UNC80: variants seen among roughly 807,000 people sequenced by gnomAD.
UNC80 encodes the protein protein unc-80 homolog.
A neutral mutation model predicts 384.6 loss-of-function variants in UNC80; 164 were observed. The ratio of observed to expected loss-of-function variants is 0.43; its 90% CI spans 0.38 to 0.49. The LOEUF is 0.49. UNC80 is among the 20% of genes least tolerant of loss of function. The pLI, the probability that UNC80 is intolerant of heterozygous loss-of-function variation, is 0.00. For synonymous variants in UNC80, 1,486 were observed against 1,527.8 expected, an observed-to-expected ratio of 0.97 and a Z score of 0.64; for missense variants, 3,330 against 4,143.0, an observed-to-expected ratio of 0.80 and a Z score of 5.39.
Position 209,817,122 on chromosome 2 carries a change from T to A in UNC80, c.1549T>A (p.Leu517Ile), listed in dbSNP as rs1244519901. The A allele has an allele frequency of 5.2e-6, 8 of 1,551,408 alleles. No individual in the cohort carries two copies. Among genetic ancestry groups the A allele is most frequent in the Non-Finnish European group, 6.1e-6 (7 of 1,146,990 alleles). The change falls in exon 10 of 65, where the codon TTA (leucine) becomes ATA (isoleucine). Residue 517 changes from leucine (L) to isoleucine (I), a missense_variant. Leu to Ile is a conservative substitution (Grantham distance 5). Around this residue, in one of 8 missense-constraint regions of UNC80, gnomAD observed 937 missense variants for 1,026.8 expected, o/e 0.91. Transcript: ENST00000673920. ...IEKGGWQTTI[L>I]GKLTRRGSSD... is the part of the protein sequence containing the mutation. ...GAAAGGAGGCTGGCAAACCACCATTTTAGGTGACCACAAGGCCTTCCAAAA... is the reference window on the plus strand; with the variant it reads ...GAAAGGAGGCTGGCAAACCACCATTATAGGTGACCACAAGGCCTTCCAAAA...
chr2:209,893,392 A>T (rs2086528215), intron 26 of UNC80, among the ~76,000 whole-genome samples: 1 of 152,238 alleles, frequency 6.6e-6, no homozygotes, highest in African/African-American at 2.4e-5. Context: ...ATTTAAAGAA[A>T]GATAGGTTCA....
At chr2:209,779,827 A>G (rs141991809) in intron 4 of UNC80, among the ~76,000 whole-genome samples, 90 of 152,340 alleles carry the variant, frequency 5.9e-4, no homozygotes, top group African/African-American at 2.1e-3. Flanking sequence ...TATCACCTGG[A>G]AAAATGTGGG....
intron 23 of UNC80, 36 bp downstream of exon 23, chr2:209,873,006 G>T: frequency 2.0e-6 from 3 of 1,537,180 alleles, no homozygotes; most frequent in Non-Finnish European, 2.6e-6. Flanking sequence ...CAATTAGGTT[G>T]CTTAAGTGAA....
Position 209,911,435 on chromosome 2 carries a change from G to T in UNC80, c.4783-1125G>T, listed in dbSNP as rs1002069897. Among the ~76,000 whole-genome samples, 3 of 152,120 alleles carry T rather than the reference G, an allele frequency of 2.0e-5. No individual in the cohort carries two copies. The East Asian group carries it at 5.8e-4, about 29-fold the overall frequency. The stretch of plus-strand genomic sequence containing the variant: ...ATTTTTTCTTTAGAAAGCACAACAA[G>T]AGCCCTGATTCACTTGTTTTGAAGT... On this transcript the variant is annotated intron_variant, in intron 29 of 64. Transcript: ENST00000673920.
intron 29 of UNC80, among the ~76,000 whole-genome samples, chr2:209,910,821 TA>T (rs1327166946): frequency 1.3e-5 from 2 of 152,106 alleles, no homozygotes; most frequent in Non-Finnish European, 2.9e-5. Flanking sequence ...TATTTTCAAA[TA>T]ATTGTAATGG....
intron 22 of UNC80, among the ~76,000 whole-genome samples, chr2:209,865,725 C>T (rs1243494346): frequency 6.6e-6 from 1 of 152,128 alleles, no homozygotes; most frequent in East Asian, 1.9e-4. Flanking sequence ...TAAATTTACT[C>T]CCCAAATTTA....
At chr2:209,954,821 C>T (rs934823506) in intron 48 of UNC80, among the ~76,000 whole-genome samples, 5 of 151,970 alleles carry the variant, frequency 3.3e-5, no homozygotes, top group African/African-American at 7.3e-5. Flanking sequence ...TTAAATAATG[C>T]GGAGAGAGGA....
intron 21 of UNC80, among the ~76,000 whole-genome samples, chr2:209,848,279 CT>C (rs1490117303): frequency 6.6e-6 from 1 of 151,764 alleles, no homozygotes; most frequent in African/African-American, 2.4e-5. Flanking sequence ...ATGGTAGTTC[CT>C]TTTGCATATG....
At chr2:209,803,665 C>T (rs570902386) in intron 7 of UNC80, among the ~76,000 whole-genome samples, 1 of 152,262 alleles carries the variant, frequency 6.6e-6, no homozygotes, top group East Asian at 1.9e-4. Flanking sequence ...TCTGTCAAAT[C>T]TTTTTTCTCC....
intron 60 of UNC80, 136 bp from the exon 61 acceptor site, chr2:209,984,720 T>C: frequency 2.5e-6 from 2 of 804,066 alleles, no homozygotes; most frequent in Non-Finnish European, 3.8e-6. Flanking sequence ...GTTGACTGTC[T>C]CCTTTTCCTT....
chr2:209,972,333 A>T lies in UNC80; in HGVS notation c.8380+9A>T. On this transcript the variant is annotated intron_variant, in intron 55 of 64. Transcript: ENST00000673920. ...AGGATCTGGAAGCAAAGGTCTGATT[A>T]ATTTAACTAAAGGAAATTTATCATT... 6.5e-7 allele frequency: 1 copy of T among 1,548,552 alleles called. No homozygotes were observed. Among genetic ancestry groups the T allele is most frequent in the Non-Finnish European group, 8.7e-7 (1 of 1,145,848 alleles).
chr2:209,872,994 A>T lies in UNC80; in HGVS notation c.3840+24A>T. 1 of 1,547,520 alleles carries T rather than the reference A, an allele frequency of 6.5e-7. No homozygotes were observed. ...ACGTGAGCTTTCGGTTTTCTTCTAT[A>T]ACAATTAGGTTGCTTAAGTGAAGTG... is the stretch of plus-strand genomic sequence containing the variant. On this transcript the variant is annotated intron_variant, in intron 23 of 64. Transcript: ENST00000673920. This position sits in a 1 kb window ranked among gnomAD's most constrained non-coding sequence, Gnocchi z 4.1.
intron 60 of UNC80, among the ~76,000 whole-genome samples, chr2:209,984,141 A>C (rs568479885): frequency 2.0e-5 from 3 of 152,352 alleles, no homozygotes; most frequent in South Asian, 4.1e-4. Context: ...GTTCAGCTAC[A>C]TACATATCAA....
chr2:209,890,745 G>A (rs571260435), intron 26 of UNC80, among the ~76,000 whole-genome samples: 16 of 152,316 alleles, frequency 1.1e-4, no homozygotes, highest in Admixed American at 9.8e-4. Flanking sequence ...ATAAGACAAT[G>A]CAAGTGAAGT....
At chr2:209,945,262 AC>A in intron 46 of UNC80, 73 bp downstream of exon 46, 2 of 1,404,850 alleles carry the variant, frequency 1.4e-6, no homozygotes, top group Non-Finnish European at 1.9e-6. Flanking sequence ...TATTATACAC[AC>A]ATACACGTAT....
intron 4 of UNC80, 133 bp downstream of exon 4, chr2:209,777,692 T>C: frequency 4.0e-6 from 4 of 1,002,532 alleles, no homozygotes; most frequent in East Asian, 2.5e-5. Flanking sequence ...GAGAACTTTA[T>C]TTCTGTGTTA....
At chr2:209,874,869 A>G (rs1321872701) in intron 23 of UNC80, among the ~76,000 whole-genome samples, 1 of 152,084 alleles carries the variant, frequency 6.6e-6, no homozygotes, top group East Asian at 1.9e-4. Context: ...CCTCAAGTAA[A>G]CACATTGCCA....
chr2:209,831,443 A>C lies in UNC80; in HGVS notation c.2627A>C (p.Asn876Thr), dbSNP rs1298898906. 6.5e-7 allele frequency: 1 copy of C among 1,546,952 alleles called. No individual in the cohort carries two copies. The highest frequency in any genetic ancestry group is 2.4e-5 in the East Asian group (1 of 40,872). Reference protein sequence around the residue: ...LGFCMEPVTDNKAGFGNNFTT... With the variant: ...LGFCMEPVTDTKAGFGNNFTT... ...TTTAATTTGTGCCTTTGCATTCCAG[A>C]CAAGGCTGGGTTTGGAAATAACTTC... Residue 876 changes from asparagine (N) to threonine (T), a missense_variant and splice_region_variant, in exon 16 of 65, where the codon AAC (asparagine) becomes ACC (threonine). Asn to Thr is a moderately conservative substitution (Grantham distance 65, BLOSUM62 0). Transcript: ENST00000673920.
At chr2:209,900,806 A>T (rs1394359306) in intron 28 of UNC80, among the ~76,000 whole-genome samples, 2 of 152,248 alleles carry the variant, frequency 1.3e-5, no homozygotes, top group Non-Finnish European at 2.9e-5. Context: ...ACAATAAGAA[A>T]GTGAAACAGT....
Sources: allele counts gnomAD v4.1 joint callset (sites outside exome capture counted in the v4.1 genomes callset), GRCh38; gene constraint gnomAD v4.1.1; regional missense constraint gnomAD v4.1.1; non-coding constraint Gnocchi (gnomAD v3.1); transcripts MANE v1.5; gene names NCBI Gene and HGNC (gene_info 2026-07-23, HGNC 2026-07-21).